Variants in LGALS1 observed in about 807,000 individuals in gnomAD.
LGALS1 encodes galectin 1.
In LGALS1, 14 loss-of-function variants were observed where a neutral mutation model predicts 14.4. That is an observed-to-expected ratio of 0.97 (90% CI 0.64 to 1.52). The LOEUF (loss-of-function observed/expected upper bound fraction) is 1.52, where lower values mean the gene tolerates loss of function less well. Ranked by LOEUF, LGALS1 falls within the 40% of genes most tolerant of loss-of-function variation. The probability of loss-of-function intolerance (pLI) is 0.00; values close to 1 mark genes in which losing one functional copy is unlikely to be tolerated. For synonymous variants in LGALS1, 71 were observed against 73.4 expected, an observed-to-expected ratio of 0.97 and a Z score of 0.17; for missense variants, 170 against 181.4, an observed-to-expected ratio of 0.94 and a Z score of 0.36.
intron 2 of LGALS1, 101 bp downstream of exon 2, chr22:37,677,166 G>A (rs1921459870): frequency 1.7e-6 from 2 of 1,180,310 alleles, no homozygotes; most frequent in Non-Finnish European, 2.4e-6. Context: ...CCGGGAGCGG[G>A]TTAACGGCCA....
chr22:37,679,523 G>A (rs149208597), intron 3 of LGALS1, 80 bp from the exon 4 acceptor site: 283 of 1,305,162 alleles, frequency 2.2e-4, no homozygotes, highest in Non-Finnish European at 2.7e-4. Flanking sequence ...AACTGGGGCT[G>A]TGTCAGGGCC....
chr22:37,678,370 TGTTA>T (rs746547475), intron 2 of LGALS1, 109 bp from the exon 3 acceptor site: 2 of 1,170,376 alleles, frequency 1.7e-6, no homozygotes, highest in Non-Finnish European at 2.5e-6. Flanking sequence ...TTCTTGTCTC[TGTTA>T]GTGAGTTCTT....
At position 37,679,725 on chromosome 22, in the gene LGALS1, G is replaced by A; in HGVS notation, c.384G>A (p.Lys128=). 1 of 1,604,602 alleles carries A rather than the reference G, an allele frequency of 6.2e-7. No homozygotes were observed. Among genetic ancestry groups the A allele is most frequent in the South Asian group, 1.1e-5 (1 of 89,358 alleles). The change falls in exon 4 of 4, where the codon AAG becomes AAA. Residue 128 remains lysine, a synonymous_variant. Transcript: ENST00000215909. ...ACATGGCAGCTGACGGTGACTTCAA[G>A]ATCAAATGTGTGGCCTTTGACTGAA... ...INYMAADGDF[K]IKCVAFD
Position 37,678,566 on chromosome 22 carries a change from C to G in LGALS1, c.173C>G (p.Thr58Ser), listed in dbSNP as rs948825947. 5.6e-6 allele frequency: 9 copies of G among 1,613,612 alleles called. 1 individual carries two copies. The highest frequency in any genetic ancestry group is 5.0e-5 in the Admixed American group (3 of 60,016). ...PRFNAHGDAN[T>S]IVCNSKDGGA... ...TTCAACGCCCACGGCGACGCCAACA[C>G]CATCGTGTGCAACAGCAAGGACGGC... is the stretch of plus-strand genomic sequence containing the variant. Residue 58 changes from threonine (T) to serine (S), a missense_variant, in exon 3 of 4, where the codon ACC (threonine) becomes AGC (serine). By Grantham distance (58) the Thr-to-Ser change is moderately conservative (BLOSUM62 1). Coordinates refer to ENST00000215909, the MANE Select transcript of LGALS1 (RefSeq NM_002305.4).
chr22:37,678,486 C>T lies in LGALS1; in HGVS notation c.93C>T (p.Phe31=), dbSNP rs747864962. The T allele has an allele frequency of 3.7e-6, 6 of 1,613,390 alleles. No individual in the cohort carries two copies. The highest frequency in any genetic ancestry group is 4.5e-5 in the East Asian group (2 of 44,888). ...ATGCCCACCCGTTACCCCCCAGCTT[C>T]GTGCTGAACCTGGGCAAAGACAGCA... ...RGEVAPDAKS[F]VLNLGKDSNN... The change falls in exon 3 of 4, where the codon TTC becomes TTT. Residue 31 remains phenylalanine (F), a synonymous_variant. Transcript: ENST00000215909.
At chr22:37,677,142 C>T in intron 2 of LGALS1, 77 bp downstream of exon 2, 1 of 1,382,354 alleles carries the variant, frequency 7.2e-7, no homozygotes, top group Non-Finnish European at 1.0e-6. Flanking sequence ...GCCAAGCCCA[C>T]ATCTCCTCCC....
At position 37,678,476 on chromosome 22, in the gene LGALS1, C is replaced by T. The variant is rs1203905857; in HGVS notation, c.90-7C>T. ...AGGTGGCCTCATGCCCACCCGTTAC[C>T]CCCCAGCTTCGTGCTGAACCTGGGC... On this transcript the variant is annotated splice_polypyrimidine_tract_variant and splice_region_variant and intron_variant, in intron 2 of 3. Coordinates refer to ENST00000215909, the MANE Select transcript of LGALS1 (RefSeq NM_002305.4). The T allele has an allele frequency of 1.9e-6, 3 of 1,613,392 alleles. No homozygotes were observed. Among genetic ancestry groups the T allele is most frequent in the Non-Finnish European group, 1.7e-6 (2 of 1,179,982 alleles).
intron 2 of LGALS1, among the ~76,000 whole-genome samples, chr22:37,677,842 T>C (rs1377312392): frequency 1.3e-5 from 2 of 152,174 alleles, no homozygotes; most frequent in Non-Finnish European, 2.9e-5. Context: ...TGGAGTGCAA[T>C]GGCGTGATCT....
chr22:37,675,814 G>A, intron 1 of LGALS1, 103 bp downstream of exon 1: 1 of 1,104,134 alleles, frequency 9.1e-7, no homozygotes, highest in Non-Finnish European at 1.2e-6. Flanking sequence ...CCAGCTGTGT[G>A]GCCTGGAACC....
rs1202498827 is a variant in LGALS1, at chr22:37,676,909, C to T, written c.10-77C>T. 4 of 1,504,594 alleles carry T rather than the reference C, an allele frequency of 2.7e-6. No individual in the cohort carries two copies. The East Asian group carries it at 9.2e-5, about 34-fold the overall frequency. 93.2% of individuals were successfully genotyped at this position (1,504,594 alleles called of 1,614,324 possible). On this transcript the variant is annotated intron_variant, in intron 1 of 3. Transcript: ENST00000215909. ...CGGGCGGGAACAACCCCACTCCCAC[C>T]CCCAGCCACCCCCGGACACTTCGAG...
chr22:37,677,023 A>T lies in LGALS1; in HGVS notation c.47A>T (p.Glu16Val), dbSNP rs11539852. The part of the protein sequence containing the change: ...VASNLNLKPG[E>V]CLRVRGEVAP... ...AGCAACCTGAATCTCAAACCTGGAGAGTGCCTTCGAGTGCGAGGCGAGGTG... is the reference window on the plus strand; with the variant it reads ...AGCAACCTGAATCTCAAACCTGGAGTGTGCCTTCGAGTGCGAGGCGAGGTG... Residue 16 changes from glutamate to valine, a missense_variant, in exon 2 of 4, where the codon GAG becomes GTG. Coordinates refer to ENST00000215909, the MANE Select transcript of LGALS1 (RefSeq NM_002305.4). 6.8e-6 allele frequency: 11 copies of T among 1,613,922 alleles called. No individual in the cohort carries two copies. In the Admixed American group the frequency reaches 8.3e-5, roughly 12 times the overall value.
At position 37,678,558 on chromosome 22, in the gene LGALS1, CGCCAACACCATCGTGT is replaced by C; in HGVS notation, c.168_183del (p.Asn57ThrfsTer36). 1 of 1,613,604 alleles carries C rather than the reference CGCCAACACCATCGTGT, an allele frequency of 6.2e-7. No individual in the cohort carries two copies. Among genetic ancestry groups the C allele is most frequent in the East Asian group, 2.2e-5 (1 of 44,888 alleles). ...ACCCTCGCTTCAACGCCCACGGCGA[CGCCAACACCATCGTGT>C]GCAACAGCAAGGACGGCGGGGCCTG... On this transcript the variant is annotated frameshift_variant, in exon 3 of 4. Transcript: ENST00000215909. LOFTEE classifies it high-confidence loss of function.
intron 2 of LGALS1, chr22:37,677,582 G>T (rs1400953718): frequency 6.2e-6 from 1 of 160,236 alleles, no homozygotes; most frequent in Non-Finnish European, 1.4e-5. Flanking sequence ...GAAAAACAAG[G>T]GGGGAGGTGG....
At position 37,679,689 on chromosome 22, in the gene LGALS1, G is replaced by A. The variant is rs770675309; in HGVS notation, c.348G>A (p.Glu116=). The A allele has an allele frequency of 1.9e-6, 3 of 1,610,588 alleles. No individual in the cohort carries two copies. Among genetic ancestry groups the A allele is most frequent in the South Asian group, 2.2e-5 (2 of 90,198 alleles). The change falls in exon 4 of 4, where the codon GAG becomes GAA. Residue 116 remains glutamate, a synonymous_variant. Transcript: ENST00000215909. The part of the protein sequence containing the change: ...EFKFPNRLNL[E]AINYMAADGD... The stretch of plus-strand genomic sequence containing the variant: ...AGTTCCCCAACCGCCTCAACCTGGA[G>A]GCCATCAACTACATGGCAGCTGACG...
Position 37,677,040 on chromosome 22 carries a change from G to A in LGALS1, c.64G>A (p.Gly22Ser), listed in dbSNP as rs761204679. The A allele has an allele frequency of 2.5e-6, 4 of 1,614,106 alleles. No homozygotes were observed. The highest frequency in any genetic ancestry group is 3.4e-6 in the Non-Finnish European group (4 of 1,180,006). Residue 22 changes from glycine to serine, a missense_variant, in exon 2 of 4, where the codon GGC becomes AGC. Transcript: ENST00000215909. ...ACCTGGAGAGTGCCTTCGAGTGCGAGGCGAGGTGGCTCCTGACGCTAAGAG... is the reference window on the plus strand; with the variant it reads ...ACCTGGAGAGTGCCTTCGAGTGCGAAGCGAGGTGGCTCCTGACGCTAAGAG... ...LKPGECLRVR[G>S]EVAPDAKSFV...
chr22:37,676,978 C>G lies in LGALS1; in HGVS notation c.10-8C>G. The G allele has an allele frequency of 6.2e-7, 1 of 1,614,028 alleles. No individual in the cohort carries two copies. Among genetic ancestry groups the G allele is most frequent in the Non-Finnish European group, 8.5e-7 (1 of 1,179,996 alleles). On this transcript the variant is annotated splice_region_variant and splice_polypyrimidine_tract_variant and intron_variant, in intron 1 of 3. Transcript: ENST00000215909. ...CTAACCCGGCTGGGCCGGGGCTTGTCTGTGCAGGGTCTGGTCGCCAGCAAC... is the reference window on the plus strand; with the variant it reads ...CTAACCCGGCTGGGCCGGGGCTTGTGTGTGCAGGGTCTGGTCGCCAGCAAC...
chr22:37,676,915 C>G, intron 1 of LGALS1, 71 bp from the exon 2 acceptor site: 2 of 1,537,578 alleles, frequency 1.3e-6, no homozygotes, highest in Non-Finnish European at 1.8e-6. Context: ...CCACCCCCAG[C>G]CACCCCCGGA....
intron 3 of LGALS1, among the ~76,000 whole-genome samples, chr22:37,678,946 A>G (rs1039266505): frequency 1.3e-5 from 2 of 152,034 alleles, no homozygotes; most frequent in Non-Finnish European, 2.9e-5. Flanking sequence ...CCTGACCAAC[A>G]TGGAGAAACC....
chr22:37,677,130 C>A (rs1921458265), intron 2 of LGALS1, 65 bp downstream of exon 2: 2 of 1,499,574 alleles, frequency 1.3e-6, no homozygotes, highest in Non-Finnish European at 1.8e-6. Flanking sequence ...AGGGCGTGGC[C>A]GGCCAAGCCC....
Sources: allele counts gnomAD v4.1 joint callset (sites outside exome capture counted in the v4.1 genomes callset), GRCh38; gene constraint gnomAD v4.1.1; transcripts MANE v1.5; gene names NCBI Gene and HGNC (gene_info 2026-07-23, HGNC 2026-07-21).